MTRF1: variants seen among roughly 807,000 people sequenced by gnomAD.
MTRF1 encodes the protein mitochondrial translation release factor 1, also known as peptide chain release factor 1, mitochondrial.
A neutral mutation model predicts 62.9 loss-of-function variants in MTRF1; 51 were observed. The observed-to-expected ratio is 0.81, with a 90% CI of 0.65 to 1.02. The LOEUF (loss-of-function observed/expected upper bound fraction) is 1.02, where lower values mean the gene tolerates loss of function less well. MTRF1 is among the 50% of genes least tolerant of loss of function. The pLI, the probability that MTRF1 is intolerant of heterozygous loss-of-function variation, is 0.00. For synonymous variants in MTRF1, 158 were observed against 181.9 expected (o/e 0.87, Z 1.06); for missense variants, 446 against 530.0 (o/e 0.84, Z 1.56).
At chr13:41,285,632 G>C in the MTRF1 span, among the ~76,000 whole-genome samples, 5 of 152,218 alleles carry the variant, frequency 3.3e-5, no homozygotes, top group Non-Finnish European at 7.3e-5. Context: ...TTCAGACAGA[G>C]AGTTACTGCT....
the MTRF1 span, among the ~76,000 whole-genome samples, chr13:41,289,276 C>A: frequency 2.7e-5 from 4 of 148,992 alleles, no homozygotes; most frequent in Non-Finnish European, 5.9e-5. Context: ...GCTCTGTCAC[C>A]CAGGCTGGAG....
chr13:41,245,733 C>T (rs1213990538), intron 5 of MTRF1, among the ~76,000 whole-genome samples: 1 of 152,038 alleles, frequency 6.6e-6, no homozygotes, highest in Non-Finnish European at 1.5e-5. Flanking sequence ...ATTACTTTTC[C>T]ATATATTTTA....
chr13:41,307,615 CAA>C, the MTRF1 span, among the ~76,000 whole-genome samples: 4 of 140,520 alleles, frequency 2.8e-5, no homozygotes, highest in Admixed American at 7.2e-5. Flanking sequence ...GGCTCCATCT[CAA>C]AAAAAAAAAA....
chr13:41,259,712 A>AAAAACAAAAACAAAAAAAAAAC (rs1566179405), intron 2 of MTRF1, among the ~76,000 whole-genome samples: 1 of 136,714 alleles, frequency 7.3e-6, no homozygotes, highest in African/African-American at 2.8e-5. Context: ...AAAAAAAAAA[A>AAAAACAAAAACAAAAAAAAAAC]AAAAAAAAAC....
chr13:41,237,235 A>G (rs1360124242), intron 6 of MTRF1, among the ~76,000 whole-genome samples: 2 of 151,042 alleles, frequency 1.3e-5, no homozygotes, highest in East Asian at 1.9e-4. Context: ...AAAAAAAAAA[A>G]AAAAGAATAT....
the MTRF1 span, among the ~76,000 whole-genome samples, chr13:41,298,697 A>G: frequency 3.4e-3 from 513 of 152,364 alleles, 1 homozygote; most frequent in African/African-American, 0.011. Context: ...AGCAAATTCA[A>G]TGGGGTCCTG....
At chr13:41,256,099 ACT>A (rs573653099) in intron 2 of MTRF1, among the ~76,000 whole-genome samples, 17 of 152,238 alleles carry the variant, frequency 1.1e-4, no homozygotes, top group East Asian at 9.6e-4. Flanking sequence ...TTTGCTAGAC[ACT>A]CTGCTAGTTG....
rs1021372453 is a variant in MTRF1, at chr13:41,240,216, C to T, written c.870+45G>A. 17 of 1,527,464 alleles carry T rather than the reference C, an allele frequency of 1.1e-5. No homozygotes were observed. The African/African-American group carries it at 2.2e-4, about 20-fold the overall frequency. The allele number at this position is 1,527,464 out of a possible 1,614,324, so 94.6% of individuals were successfully genotyped here. On this transcript the variant is annotated intron_variant, in intron 6 of 9. Transcript: ENST00000379480. ...AGAAGCTAAGGCTTCCAGCACAATA[C>T]CCGTTGACATGGAGTGAGTTTCCCT...
chr13:41,260,822 T>C lies in MTRF1; in HGVS notation c.86A>G (p.Gln29Arg). 1 of 1,614,162 alleles carries C rather than the reference T, an allele frequency of 6.2e-7. No homozygotes were observed. The highest frequency in any genetic ancestry group is 8.5e-7 in the Non-Finnish European group (1 of 1,180,016). The change falls in exon 2 of 10, where the codon CAA (glutamine) becomes CGA (arginine). Residue 29 changes from glutamine to arginine, a missense_variant. Coordinates refer to ENST00000379480, the MANE Select transcript of MTRF1 (RefSeq NM_004294.4). ...LQCHIQLHSH[Q>R]FRQIHLDTRL... ...TGTATCAAGATGTATCTGTCTAAAT[T>C]GATGAGAATGGAGCTGGATGTGACA... is the stretch of plus-strand genomic sequence containing the variant.
chr13:41,311,631 G>A, the MTRF1 span: 5 of 1,553,020 alleles, frequency 3.2e-6, no homozygotes, highest in Non-Finnish European at 4.4e-6. Flanking sequence ...CGGGTCCTCG[G>A]GCCTTAAGGG....
chr13:41,235,226 G>T (rs1440634473), intron 6 of MTRF1: 1 of 152,112 alleles, frequency 6.6e-6, no homozygotes, highest in African/African-American at 2.4e-5. Context: ...GAGTAGCTGG[G>T]ACCACAGGTG....
At chr13:41,267,007 A>C (rs1043230530), upstream of MTRF1, among the ~76,000 whole-genome samples, 3 of 151,714 alleles carry the variant, frequency 2.0e-5, no homozygotes, top group Admixed American at 6.6e-5. Context: ...AAAAAAAAAA[A>C]AAAAAAAAAA....
chr13:41,271,091 A>ACACACACACACCCCCCC, the MTRF1 span, among the ~76,000 whole-genome samples: 1 of 137,128 alleles, frequency 7.3e-6, no homozygotes, highest in African/African-American at 2.7e-5. Context: ...ACACACACAC[A>ACACACACACACCCCCCC]CCCCATATAG....
chr13:41,270,266 C>T, the MTRF1 span, among the ~76,000 whole-genome samples: 1 of 152,096 alleles, frequency 6.6e-6, no homozygotes, highest in Non-Finnish European at 1.5e-5. Flanking sequence ...AATTTTAAAA[C>T]TAGCTTATTT....
At chr13:41,281,289 T>C in the MTRF1 span, among the ~76,000 whole-genome samples, 1 of 152,218 alleles carries the variant, frequency 6.6e-6, no homozygotes, top group Non-Finnish European at 1.5e-5. Flanking sequence ...GGCTGTACAG[T>C]GTGTTCCTTG....
intron 1 of MTRF1, chr13:41,262,621 A>T (rs2040592148): frequency 1.4e-5 from 2 of 146,748 alleles, no homozygotes; most frequent in Admixed American, 7.0e-5. Flanking sequence ...TGAGTAAGAA[A>T]GGGAGAATAT....
the MTRF1 span, among the ~76,000 whole-genome samples, chr13:41,287,250 G>A: frequency 6.6e-6 from 1 of 152,210 alleles, no homozygotes; most frequent in African/African-American, 2.4e-5. Context: ...GCCTCAGGGA[G>A]CTTTCATTCA....
the MTRF1 span, among the ~76,000 whole-genome samples, chr13:41,302,930 G>A: frequency 6.6e-6 from 1 of 152,180 alleles, no homozygotes; most frequent in Admixed American, 6.5e-5. Context: ...CTGAGTAGTC[G>A]GAAACTGTAA....
At chr13:41,284,533 G>C in the MTRF1 span, among the ~76,000 whole-genome samples, 1 of 144,900 alleles carries the variant, frequency 6.9e-6, no homozygotes, top group Admixed American at 7.0e-5. Context: ...GACACAGTGA[G>C]ACCGTGTCTC....
Sources: gnomAD v4.1 joint callset for allele counts (sites outside exome capture counted in the v4.1 genomes callset) on GRCh38, gnomAD v4.1.1 for gene constraint, MANE v1.5 for transcripts, NCBI Gene and HGNC (gene_info 2026-07-23, HGNC 2026-07-21) for gene names.